The following NRG3 variants were observed in gnomAD, a reference collection of about 807,000 sequenced individuals.
NRG3 encodes pro-neuregulin-3, membrane-bound isoform.
In NRG3, 31 loss-of-function variants were observed where a neutral mutation model predicts 66.9. The ratio of observed to expected loss-of-function variants is 0.46; its 90% CI spans 0.35 to 0.63. NRG3 has a LOEUF of 0.63. NRG3 is among the 20% of genes least tolerant of loss of function. The probability of loss-of-function intolerance (pLI) is 0.00; values close to 1 mark genes in which losing one functional copy is unlikely to be tolerated. For missense variants in NRG3, 910 were observed against 878.9 expected (o/e 1.04, Z -0.45); for synonymous variants, 393 against 359.4 (o/e 1.09, Z -1.06).
intron 1 of NRG3, among the ~76,000 whole-genome samples, chr10:82,286,510 A>G (rs2079425337): frequency 6.6e-6 from 1 of 152,154 alleles, no homozygotes; most frequent in Non-Finnish European, 1.5e-5. Context: ...TTTATATCTC[A>G]TATTCCTAAC....
chr10:82,338,369 T>G (rs2082501540), intron 1 of NRG3, among the ~76,000 whole-genome samples: 1 of 152,168 alleles, frequency 6.6e-6, no homozygotes, highest in Admixed American at 6.5e-5. Flanking sequence ...AAACAAGTGC[T>G]TAGAAGTTAG....
At chr10:82,041,530 C>G (rs191933290) in intron 1 of NRG3, among the ~76,000 whole-genome samples, 1 of 152,118 alleles carries the variant, frequency 6.6e-6, no homozygotes, top group Admixed American at 6.6e-5. Flanking sequence ...CCTTTGGGAG[C>G]TATTTGTGAA....
chr10:82,037,504 A>G (rs188029867), intron 1 of NRG3, among the ~76,000 whole-genome samples: 16 of 152,254 alleles, frequency 1.1e-4, no homozygotes, highest in African/African-American at 2.9e-4. Context: ...TAGGAAGAAA[A>G]TTCTCTCCTT....
chr10:82,259,097 A>G (rs1177278088), intron 1 of NRG3, among the ~76,000 whole-genome samples: 1 of 152,172 alleles, frequency 6.6e-6, no homozygotes, highest in Non-Finnish European at 1.5e-5. Context: ...TATGGAATTA[A>G]TGCAACCCCA....
At chr10:81,924,257 G>T (rs1846548350) in intron 1 of NRG3, among the ~76,000 whole-genome samples, 2 of 152,184 alleles carry the variant, frequency 1.3e-5, no homozygotes, top group African/African-American at 2.4e-5. Context: ...TAGTAGAAAT[G>T]ATGTTTGTAT....
chr10:82,456,424 C>T (rs193123205), intron 2 of NRG3, among the ~76,000 whole-genome samples: 8 of 152,150 alleles, frequency 5.3e-5, no homozygotes, highest in East Asian at 3.9e-4. Context: ...TTCTTGGCAT[C>T]CCAAATTGCT....
At chr10:82,365,374 G>A (rs181952535) in intron 2 of NRG3, among the ~76,000 whole-genome samples, 3 of 152,332 alleles carry the variant, frequency 2.0e-5, no homozygotes, top group East Asian at 1.9e-4. Flanking sequence ...AGAAGAATTT[G>A]CAAGTTCATC....
intron 2 of NRG3, among the ~76,000 whole-genome samples, chr10:82,715,927 C>G (rs986967270): frequency 1.3e-5 from 2 of 152,096 alleles, no homozygotes; most frequent in Non-Finnish European, 2.9e-5. Context: ...AGGGGGCTAG[C>G]TCTCTAGCCT....
Position 82,985,078 on chromosome 10 carries a change from A to G in NRG3, c.1584-20A>G. 6.2e-7 allele frequency: 1 copy of G among 1,609,114 alleles called. No homozygotes were observed. The highest frequency in any genetic ancestry group is 1.3e-5 in the African/African-American group (1 of 74,794). Reference sequence around the variant, plus strand: ...AGCCTGGTAGAAAGCAGAAGGAGTAACACTGTGTTTCTTTTTCAGGTATTC... The same window carrying G: ...AGCCTGGTAGAAAGCAGAAGGAGTAGCACTGTGTTTCTTTTTCAGGTATTC... On this transcript the variant is annotated intron_variant, in intron 8 of 8. Transcript: ENST00000372141.
intron 1 of NRG3, chr10:82,166,957 GA>G: frequency 2.2e-6 from 1 of 447,338 alleles, no homozygotes; most frequent in Non-Finnish European, 4.0e-6. Flanking sequence ...ATTTTGATAA[GA>G]AATCTGCCAT....
chr10:82,047,918 T>C (rs1472809102), intron 1 of NRG3, among the ~76,000 whole-genome samples: 2 of 151,386 alleles, frequency 1.3e-5, no homozygotes, highest in African/African-American at 4.9e-5. Context: ...ACCAAGCAAA[T>C]GGAAAACAAA....
At chr10:82,592,157 G>C (rs2047017855) in intron 2 of NRG3, among the ~76,000 whole-genome samples, 1 of 152,158 alleles carries the variant, frequency 6.6e-6, no homozygotes, top group African/African-American at 2.4e-5. Context: ...TGAAACATAA[G>C]ATTATTTATT....
At chr10:82,605,268 TATC>T (rs1227755517) in intron 2 of NRG3, among the ~76,000 whole-genome samples, 1 of 152,102 alleles carries the variant, frequency 6.6e-6, no homozygotes, top group African/African-American at 2.4e-5. Context: ...TAAATATTGT[TATC>T]ATATCCATTC....
At chr10:82,485,818 G>C (rs1246250765) in intron 2 of NRG3, among the ~76,000 whole-genome samples, 1 of 151,808 alleles carries the variant, frequency 6.6e-6, no homozygotes, top group Non-Finnish European at 1.5e-5. Flanking sequence ...GGCTGGTGAG[G>C]CTTCTGTACA....
At chr10:81,897,990 T>A (rs1843677698) in intron 1 of NRG3, among the ~76,000 whole-genome samples, 1 of 152,166 alleles carries the variant, frequency 6.6e-6, no homozygotes, top group African/African-American at 2.4e-5. Flanking sequence ...TGTAGACCAA[T>A]CAGTCTCTTT....
chr10:82,083,469 C>T (rs900742094), intron 1 of NRG3, among the ~76,000 whole-genome samples: 2 of 152,056 alleles, frequency 1.3e-5, no homozygotes, highest in African/African-American at 4.8e-5. Context: ...AGCCTTTCCT[C>T]CTGTGAACTG....
intron 1 of NRG3, among the ~76,000 whole-genome samples, chr10:82,183,162 A>C (rs1373975160): frequency 3.3e-5 from 5 of 151,820 alleles, no homozygotes; most frequent in African/African-American, 4.8e-5. Context: ...TTCCTTCTCC[A>C]GATTTGTGAT....
intron 2 of NRG3, among the ~76,000 whole-genome samples, chr10:82,510,905 T>C (rs1845108199): frequency 1.3e-5 from 2 of 152,170 alleles, no homozygotes; most frequent in Non-Finnish European, 2.9e-5. Flanking sequence ...AACAGGATTG[T>C]TCAATCTTGA....
chr10:82,384,844 G>T (rs2085873744), intron 2 of NRG3, among the ~76,000 whole-genome samples: 1 of 152,138 alleles, frequency 6.6e-6, no homozygotes, highest in African/African-American at 2.4e-5. Context: ...GGTCTTTGAG[G>T]AATTGCCATA....
Sources: allele counts gnomAD v4.1 joint callset (sites outside exome capture counted in the v4.1 genomes callset), GRCh38; gene constraint gnomAD v4.1.1; transcripts MANE v1.5; gene names NCBI Gene and HGNC (gene_info 2026-07-23, HGNC 2026-07-21).